HECTD4: variants seen among roughly 807,000 people sequenced by gnomAD.
HECTD4 encodes the protein HECT domain E3 ubiquitin protein ligase 4.
In HECTD4, 114 loss-of-function variants were observed where a neutral mutation model predicts 471.5. The observed-to-expected ratio is 0.24, with a 90% CI of 0.21 to 0.28. The LOEUF is 0.28. HECTD4 is among the 10% of genes least tolerant of loss of function. The probability of loss-of-function intolerance (pLI) is 1.00; values close to 1 mark genes in which losing one functional copy is unlikely to be tolerated. For missense variants in HECTD4, 3,866 were observed against 5,651.5 expected (o/e 0.68, Z 10.13); for synonymous variants, 2,012 against 2,256.0 (o/e 0.89, Z 3.07).
At position 112,220,248 on chromosome 12, in the gene HECTD4, G is replaced by A. The variant is rs115442321; in HGVS notation, c.6971-759C>T. ...AATTTTTAAAAATCTAATATCTATG[G>A]AGCACCTGCTATGAGCAAGGCACAC... On this transcript the variant is annotated intron_variant, in intron 44 of 75. Coordinates refer to ENST00000682272, the MANE Select transcript of HECTD4 (RefSeq NM_001388303.1). Among the ~76,000 whole-genome samples, 1,473 of 151,870 alleles carry A rather than the reference G, an allele frequency of 9.7e-3. 25 individuals are homozygous for A. The highest frequency in any genetic ancestry group is 0.034 in the African/African-American group (1,401 of 41,358).
intron 13 of HECTD4, among the ~76,000 whole-genome samples, chr12:112,267,683 C>G (rs1215855179): frequency 6.6e-6 from 1 of 152,082 alleles, no homozygotes; most frequent in East Asian, 1.9e-4. Context: ...ACTATTGTGC[C>G]TCCCCAAAAA....
rs2036907827 is a variant in HECTD4, at chr12:112,382,167, C to T, written c.-39G>A. On this transcript the variant is annotated 5_prime_UTR_variant, in exon 1 of 76. Transcript: ENST00000682272. ...GGCTTGGCGCTGAGGAGCAGACGCC[C>T]GGCCGGGGGAAACGGAGCAGGAGCC... The T allele has an allele frequency of 8.2e-7, 1 of 1,212,828 alleles. No homozygotes were observed. Among genetic ancestry groups the T allele is most frequent in the East Asian group, 3.3e-5 (1 of 30,240 alleles). The allele number at this position is 1,212,828 out of a possible 1,614,324, so 75.1% of individuals were successfully genotyped here. A position where few individuals can be genotyped will look rare whatever the true frequency, so the allele number is the denominator to read the frequency against.
intron 1 of HECTD4, among the ~76,000 whole-genome samples, chr12:112,337,120 A>G (rs747722245): frequency 5.9e-5 from 9 of 152,212 alleles, no homozygotes; most frequent in Non-Finnish European, 1.2e-4. Context: ...TTGAGACTCA[A>G]AACTGTTTAT....
chr12:112,369,340 CT>C (rs763174549), intron 1 of HECTD4, among the ~76,000 whole-genome samples: 7,789 of 129,144 alleles, frequency 0.06, 110 homozygotes, highest in Middle Eastern at 0.13. Context: ...CCTAGGATTT[CT>C]TTTTTTTTTT....
intron 70 of HECTD4, among the ~76,000 whole-genome samples, chr12:112,168,751 C>A (rs2031087610): frequency 6.6e-6 from 1 of 152,220 alleles, no homozygotes; most frequent in Non-Finnish European, 1.5e-5. Context: ...TTTGTAGAGT[C>A]CCAGTTTCCC....
chr12:112,366,155 A>T (rs2036553513), intron 1 of HECTD4, among the ~76,000 whole-genome samples: 1 of 152,122 alleles, frequency 6.6e-6, no homozygotes, highest in Admixed American at 6.6e-5. Context: ...CTTTCAGCTG[A>T]CCAACATTCT....
chr12:112,164,982 C>T (rs1439328006), intron 72 of HECTD4, among the ~76,000 whole-genome samples: 3 of 149,264 alleles, frequency 2.0e-5, no homozygotes, highest in African/African-American at 7.4e-5. Flanking sequence ...AGTGCAGTGG[C>T]GCAATCTCAG....
At chr12:112,304,027 G>A (rs1263351379) in intron 7 of HECTD4, among the ~76,000 whole-genome samples, 2 of 151,898 alleles carry the variant, frequency 1.3e-5, no homozygotes, top group Admixed American at 6.6e-5. Context: ...GGGATATGAA[G>A]GTCACCACCA....
At chr12:112,283,885 G>A (rs1474419669) in intron 7 of HECTD4, among the ~76,000 whole-genome samples, 1 of 151,586 alleles carries the variant, frequency 6.6e-6, no homozygotes, top group East Asian at 1.9e-4. Flanking sequence ...TCTTTGGAGT[G>A]GTGACTCCAA....
chr12:112,263,016 A>C (rs1021541215), intron 17 of HECTD4, among the ~76,000 whole-genome samples: 1 of 152,206 alleles, frequency 6.6e-6, no homozygotes, highest in Non-Finnish European at 1.5e-5. Flanking sequence ...AATGACATTC[A>C]TGATCATCTA....
intron 11 of HECTD4, among the ~76,000 whole-genome samples, chr12:112,271,012 AG>A (rs1806785144): frequency 6.6e-6 from 1 of 152,186 alleles, no homozygotes; most frequent in Non-Finnish European, 1.5e-5. Context: ...CACAGTCTGG[AG>A]TTCAGGCAAG....
rs2137027664 is a variant in HECTD4, at chr12:112,184,457, G to A, written c.10509C>T (p.Thr3503=). The change falls in exon 61 of 76, where the codon ACC becomes ACT. Residue 3503 remains threonine (T), a synonymous_variant. Transcript: ENST00000682272. This position sits in a 1 kb window ranked among gnomAD's most constrained non-coding sequence, Gnocchi z 9.1. ...GCGGATCCACAGAGAGGTCGCTGAC[G>A]GTTTGGGAGATGCCCTGCGAGCTGC... ...SICSSQGISQ[T]VSDLSVDPLP... The A allele has an allele frequency of 3.7e-6, 6 of 1,606,068 alleles. No individual in the cohort carries two copies. The highest frequency in any genetic ancestry group is 5.1e-6 in the Non-Finnish European group (6 of 1,177,058).
intron 11 of HECTD4, among the ~76,000 whole-genome samples, chr12:112,271,728 A>G (rs2034416907): frequency 6.6e-6 from 1 of 151,540 alleles, no homozygotes; most frequent in Non-Finnish European, 1.5e-5. Context: ...ACTCTACTGA[A>G]TTTTTCTTTT....
At position 112,194,982 on chromosome 12, in the gene HECTD4, G is replaced by A. The variant is rs1482300728; in HGVS notation, c.8652C>T (p.His2884=). The change falls in exon 56 of 76, where the codon CAC becomes CAT. Residue 2884 remains histidine, a synonymous_variant. Coordinates refer to ENST00000682272, the MANE Select transcript of HECTD4 (RefSeq NM_001388303.1). This position sits in a 1 kb window ranked among gnomAD's most constrained non-coding sequence, Gnocchi z 4.6. The part of the protein sequence containing the change: ...LLNIFAPKLP[H]LFTRLFHIPA... ...GGATGTGGAAGAGGCGAGTGAACAA[G>A]TGAGGCAACTTCGGGGCGAAGATAT... 6.2e-7 allele frequency: 1 copy of A among 1,611,698 alleles called. No homozygotes were observed. The highest frequency in any genetic ancestry group is 1.1e-5 in the South Asian group (1 of 90,328).
At chr12:112,255,816 C>T (rs143440415) in intron 21 of HECTD4, among the ~76,000 whole-genome samples, 2 of 152,212 alleles carry the variant, frequency 1.3e-5, no homozygotes, top group East Asian at 3.9e-4. Flanking sequence ...TGTTAAGCCA[C>T]CAGGTTGGAA....
rs889239773 is a variant in HECTD4, at chr12:112,261,526, A to G, written c.2749-97T>C. On this transcript the variant is annotated intron_variant, in intron 17 of 75. Coordinates refer to ENST00000682272, the MANE Select transcript of HECTD4 (RefSeq NM_001388303.1). ...TGATGTATTTAATGATGTATTTCCA[A>G]ATGAAATAATGAGGTGGACAGAATA... 1.3e-5 allele frequency: 16 copies of G among 1,200,070 alleles called. No homozygotes were observed. The African/African-American group carries it at 2.4e-4, about 18-fold the overall frequency. The allele number at this position is 1,200,070 out of a possible 1,614,324, so 74.3% of individuals were successfully genotyped here.
At chr12:112,303,685 AC>A (rs1368928305) in intron 7 of HECTD4, among the ~76,000 whole-genome samples, 1 of 151,780 alleles carries the variant, frequency 6.6e-6, no homozygotes. Context: ...CCCTGTCTCT[AC>A]AAAAAAACAC....
intron 49 of HECTD4, 85 bp downstream of exon 49, chr12:112,212,402 C>T (rs1426552170): frequency 1.0e-5 from 11 of 1,103,444 alleles, no homozygotes; most frequent in Admixed American, 1.8e-5. Context: ...AATGAGGGCC[C>T]GTTTGCTCCC....
In HECTD4 at chr12:112,208,482, T is replaced by C. The variant is rs750049477; in HGVS notation, c.8004+12A>G. The C allele has an allele frequency of 6.4e-7, 1 of 1,572,208 alleles. No individual in the cohort carries two copies. The highest frequency in any genetic ancestry group is 1.2e-5 in the South Asian group (1 of 82,400). Reference sequence around the variant, plus strand: ...GCTGCTGAGTCCTGATCTAAGCCTGTGGGTCTCTTACCTGAGGGATGTCAT... The same window carrying C: ...GCTGCTGAGTCCTGATCTAAGCCTGCGGGTCTCTTACCTGAGGGATGTCAT... On this transcript the variant is annotated intron_variant, in intron 51 of 75. Coordinates refer to ENST00000682272, the MANE Select transcript of HECTD4 (RefSeq NM_001388303.1).
Sources: allele counts gnomAD v4.1 joint callset (sites outside exome capture counted in the v4.1 genomes callset), GRCh38; gene constraint gnomAD v4.1.1; non-coding constraint Gnocchi (gnomAD v3.1); transcripts MANE v1.5; gene names NCBI Gene and HGNC (gene_info 2026-07-23, HGNC 2026-07-21).